FAM107B: variants seen among roughly 807,000 people sequenced by gnomAD.
FAM107B encodes the protein protein FAM107B.
FAM107B carries 21 observed loss-of-function variants against 31.5 expected under a neutral mutation model. The ratio of observed to expected loss-of-function variants is 0.67; its 90% CI spans 0.47 to 0.96. FAM107B has a LOEUF of 0.96. Among genes scored for constraint, FAM107B ranks in the 40% least tolerant of loss-of-function variants. FAM107B has a pLI of 0.00. For missense variants in FAM107B, 452 were observed against 377.1 expected (o/e 1.20, Z -1.64); for synonymous variants, 157 against 141.5 (o/e 1.11, Z -0.78).
chr10:14,600,526 T>C (rs542370654), intron 2 of FAM107B, among the ~76,000 whole-genome samples: 2 of 148,748 alleles, frequency 1.3e-5, no homozygotes, highest in African/African-American at 2.5e-5. Context: ...TTCAATGGCA[T>C]TGACATCATT....
intron 2 of FAM107B, among the ~76,000 whole-genome samples, chr10:14,546,899 G>A (rs1848744879): frequency 6.6e-6 from 1 of 152,080 alleles, no homozygotes; most frequent in Non-Finnish European, 1.5e-5. Flanking sequence ...AAAATAACCA[G>A]ATGCCCCCTT....
At chr10:14,524,035 T>C (rs1328455988) in intron 3 of FAM107B, among the ~76,000 whole-genome samples, 1 of 21,232 alleles carries the variant, frequency 4.7e-5, no homozygotes, top group Non-Finnish European at 9.8e-5. Flanking sequence ...CCCAGCTCTA[T>C]TTTTTTTTTT....
intron 2 of FAM107B, among the ~76,000 whole-genome samples, chr10:14,548,838 A>ACACACACATG (rs1554830523): frequency 2.0e-5 from 3 of 151,298 alleles, no homozygotes; most frequent in Admixed American, 6.6e-5. Flanking sequence ...ACACACACGC[A>ACACACACATG]CACACACACC....
intron 1 of FAM107B, among the ~76,000 whole-genome samples, chr10:14,762,279 C>A (rs1406003907): frequency 6.6e-6 from 1 of 152,152 alleles, no homozygotes; most frequent in African/African-American, 2.4e-5. Context: ...TACTTGAAAG[C>A]AAAGTCAGTT....
intron 2 of FAM107B, chr10:14,548,727 C>A (rs1848954841): frequency 2.2e-6 from 2 of 922,950 alleles, no homozygotes; most frequent in African/African-American, 3.6e-5. Flanking sequence ...AGCCGCAAAA[C>A]GTGCCAGAAA....
intron 2 of FAM107B, among the ~76,000 whole-genome samples, chr10:14,599,810 C>T (rs759115630): frequency 3.3e-5 from 5 of 150,588 alleles, no homozygotes; most frequent in Non-Finnish European, 7.4e-5. Context: ...TTCTCAGTGC[C>T]AGCGTGTACC....
chr10:14,692,021 C>G (rs1188098768), intron 1 of FAM107B, among the ~76,000 whole-genome samples: 1 of 152,048 alleles, frequency 6.6e-6, no homozygotes, highest in Non-Finnish European at 1.5e-5. Context: ...CAATCCTTGA[C>G]CATGACCAAA....
intron 2 of FAM107B, among the ~76,000 whole-genome samples, chr10:14,665,697 G>C (rs1660321566): frequency 1.3e-5 from 2 of 152,110 alleles, no homozygotes; most frequent in African/African-American, 4.8e-5. Context: ...CCCCTACTAT[G>C]CCCCTATTAT....
chr10:14,595,330 T>C (rs1852151439), intron 2 of FAM107B, among the ~76,000 whole-genome samples: 1 of 151,564 alleles, frequency 6.6e-6, no homozygotes, highest in African/African-American at 2.4e-5. Flanking sequence ...TGCAGATATG[T>C]ACAGAGTCCA....
chr10:14,601,451 A>C (rs1852394675), intron 2 of FAM107B, among the ~76,000 whole-genome samples: 1 of 152,188 alleles, frequency 6.6e-6, no homozygotes, highest in Non-Finnish European at 1.5e-5. Context: ...AAAAGCAAAA[A>C]TAGGCCATGA....
intron 1 of FAM107B, among the ~76,000 whole-genome samples, chr10:14,736,879 A>G (rs1417992009): frequency 6.6e-6 from 1 of 152,228 alleles, no homozygotes; most frequent in Non-Finnish European, 1.5e-5. Context: ...TGTGGTTTAG[A>G]GCTGCAGAGA....
chr10:14,611,519 TATATATATA>T (rs1564599731), intron 2 of FAM107B, among the ~76,000 whole-genome samples: 9 of 102,324 alleles, frequency 8.8e-5, no homozygotes, highest in African/African-American at 2.9e-4. Context: ...TATATATATA[TATATATATA>T]TTCACCTAAC....
intron 1 of FAM107B, among the ~76,000 whole-genome samples, chr10:14,751,387 A>G (rs1194985390): frequency 2.0e-5 from 3 of 152,226 alleles, no homozygotes; most frequent in Non-Finnish European, 2.9e-5. Flanking sequence ...TGTGAGCAGA[A>G]CAGTCCAGCT....
intron 1 of FAM107B, among the ~76,000 whole-genome samples, chr10:14,677,497 T>A (rs1229642734): frequency 2.0e-5 from 3 of 152,044 alleles, no homozygotes; most frequent in Admixed American, 1.3e-4. Context: ...GGTGGGCGCC[T>A]GTAGTCCCAG....
At chr10:14,756,762 A>C (rs1033220742) in intron 1 of FAM107B, among the ~76,000 whole-genome samples, 10 of 152,220 alleles carry the variant, frequency 6.6e-5, no homozygotes, top group Non-Finnish European at 1.2e-4. Flanking sequence ...AAATCAACCT[A>C]AATGCCCATC....
intron 2 of FAM107B, among the ~76,000 whole-genome samples, chr10:14,595,833 T>C (rs1481598810): frequency 6.6e-6 from 1 of 152,138 alleles, no homozygotes. Flanking sequence ...AATGCCTTTC[T>C]CTCTTGTATC....
rs563478566 is a variant in FAM107B, at chr10:14,540,669, C to T, written c.470-10154G>A. 4.6e-5 allele frequency among the ~76,000 whole-genome samples: 7 copies of T among 152,366 alleles called. No individual in the cohort carries two copies. The South Asian group carries it at 1.0e-3, about 23-fold the overall frequency. ...CGATCATGCCTCTGGAAACCCCATA[C>T]ACCTTTACCCCTTCTGCTACAAGAG... On this transcript the variant is annotated intron_variant, in intron 2 of 4. Transcript: ENST00000181796.
Position 14,624,158 on chromosome 10 carries a change from A to G in FAM107B, c.469+43476T>C, listed in dbSNP as rs1853092500. The stretch of plus-strand genomic sequence containing the variant: ...TCACAAAACCCACAGAGGATCATTA[A>G]AAAACCACTAGAGGCTTTGAAAGAG... On this transcript the variant is annotated intron_variant, in intron 2 of 4. Transcript: ENST00000181796. 3.3e-5 allele frequency among the ~76,000 whole-genome samples: 5 copies of G among 152,330 alleles called. No homozygotes were observed. The South Asian group carries it at 1.0e-3, about 32-fold the overall frequency.
At chr10:14,672,590 C>T (rs1480683412) in intron 1 of FAM107B, among the ~76,000 whole-genome samples, 2 of 152,114 alleles carry the variant, frequency 1.3e-5, no homozygotes, top group Non-Finnish European at 2.9e-5. Context: ...ATGGGACCTC[C>T]ATTCTATATG....
Sources: allele counts gnomAD v4.1 joint callset (sites outside exome capture counted in the v4.1 genomes callset), GRCh38; gene constraint gnomAD v4.1.1; transcripts MANE v1.5; gene names NCBI Gene and HGNC (gene_info 2026-07-23, HGNC 2026-07-21).